DPP6: variants seen among roughly 807,000 people sequenced by gnomAD.
The protein encoded by DPP6 is dipeptidyl peptidase like 6.
In DPP6, 69 loss-of-function variants were observed where a neutral mutation model predicts 122.6. The ratio of observed to expected loss-of-function variants is 0.56; its 90% CI spans 0.46 to 0.69. DPP6 has a LOEUF of 0.69. DPP6 is among the 30% of genes least tolerant of loss of function. DPP6 has a pLI of 0.00. For synonymous variants in DPP6, 418 were observed against 433.1 expected, an observed-to-expected ratio of 0.97 and a Z score of 0.43; for missense variants, 928 against 1,116.9, an observed-to-expected ratio of 0.83 and a Z score of 2.41.
At chr7:154,273,205 C>T (rs1031577612) in intron 1 of DPP6, among the ~76,000 whole-genome samples, 3 of 152,134 alleles carry the variant, frequency 2.0e-5, no homozygotes, top group African/African-American at 7.2e-5. Context: ...AGAGAGCTGC[C>T]TCTTTGTCTC....
chr7:154,522,708 T>C (rs375432360), intron 3 of DPP6, among the ~76,000 whole-genome samples: 1 of 146,762 alleles, frequency 6.8e-6, no homozygotes, highest in East Asian at 2.0e-4. Flanking sequence ...GAAAAAAAAA[T>C]TGGAACTCTG....
chr7:154,155,441 T>C (rs1796629791), intron 1 of DPP6, among the ~76,000 whole-genome samples: 2 of 152,088 alleles, frequency 1.3e-5, no homozygotes, highest in African/African-American at 2.4e-5. Context: ...GCTGCATCTG[T>C]TAAATTAGGG....
At chr7:154,184,116 C>T (rs1006550504) in intron 1 of DPP6, among the ~76,000 whole-genome samples, 1 of 151,956 alleles carries the variant, frequency 6.6e-6, no homozygotes, top group African/African-American at 2.4e-5. Context: ...ACGGGCAGGA[C>T]CAACCAAGAA....
intron 5 of DPP6, among the ~76,000 whole-genome samples, chr7:154,629,218 A>G (rs992669307): frequency 3.9e-4 from 59 of 152,200 alleles, no homozygotes; most frequent in Non-Finnish European, 7.8e-4. Flanking sequence ...TAATGATGGA[A>G]CACTTCAAAA....
the DPP6 span, among the ~76,000 whole-genome samples, chr7:153,856,111 A>G: frequency 6.6e-6 from 1 of 152,154 alleles, no homozygotes; most frequent in Non-Finnish European, 1.5e-5. Context: ...TCAGATCATG[A>G]CAATTCTCTG....
At chr7:154,832,330 G>A (rs1800694620) in intron 16 of DPP6, among the ~76,000 whole-genome samples, 1 of 152,178 alleles carries the variant, frequency 6.6e-6, no homozygotes, top group African/African-American at 2.4e-5. Flanking sequence ...CCACATCCAT[G>A]TGCCAGGGAC....
intron 1 of DPP6, among the ~76,000 whole-genome samples, chr7:154,087,057 A>G (rs1247420632): frequency 6.6e-6 from 1 of 152,040 alleles, no homozygotes; most frequent in Non-Finnish European, 1.5e-5. Context: ...GTGATGTTAC[A>G]TATTTTTTTC....
chr7:154,501,506 T>A (rs970191343), intron 3 of DPP6, among the ~76,000 whole-genome samples: 1 of 152,174 alleles, frequency 6.6e-6, no homozygotes, highest in African/African-American at 2.4e-5. Context: ...TGACTCCAGC[T>A]GTGGCTGAAA....
intron 1 of DPP6, chr7:154,057,373 C>T (rs183550233): frequency 4.7e-5 from 10 of 214,284 alleles, no homozygotes; most frequent in Non-Finnish European, 6.3e-5. Context: ...TGAGAGCCAG[C>T]CCCTCTTCCC....
rs1264662158 is a variant in DPP6 at position 154,282,990 on chromosome 7, CAG to C, written c.244-163223_244-163222del. 6.6e-6 allele frequency among the ~76,000 whole-genome samples: 1 copy of C among 152,190 alleles called. No homozygotes were observed. Among genetic ancestry groups the C allele is most frequent in the African/African-American group, 2.4e-5 (1 of 41,446 alleles). On this transcript the variant is annotated intron_variant, in intron 1 of 25. Coordinates refer to ENST00000377770, the MANE Select transcript of DPP6 (RefSeq NM_130797.4). This position sits in a 1 kb window ranked among gnomAD's most constrained non-coding sequence, Gnocchi z 4.8. ...ATCAGAACACGTCTCTCTCTGGACT[CAG>C]GGACAATACCCATACATATCTGTGG...
At chr7:154,709,342 G>C (rs1182987130) in intron 7 of DPP6, among the ~76,000 whole-genome samples, 1 of 149,792 alleles carries the variant, frequency 6.7e-6, no homozygotes, top group Non-Finnish European at 1.5e-5. Flanking sequence ...ATGACACTCA[G>C]CTAATTTTTT....
chr7:154,146,683 A>G (rs1796100980), intron 1 of DPP6, among the ~76,000 whole-genome samples: 1 of 152,286 alleles, frequency 6.6e-6, no homozygotes, highest in African/African-American at 2.4e-5. Flanking sequence ...GGCCTGCATT[A>G]TTCATATAAA....
intron 1 of DPP6, among the ~76,000 whole-genome samples, chr7:153,908,588 G>A (rs1179698803): frequency 6.6e-6 from 1 of 151,990 alleles, no homozygotes; most frequent in Non-Finnish European, 1.5e-5. Context: ...TGAAAATGTG[G>A]CATTTATTTT....
At chr7:154,443,381 C>T (rs1191203094) in intron 1 of DPP6, among the ~76,000 whole-genome samples, 5 of 152,144 alleles carry the variant, frequency 3.3e-5, no homozygotes, top group Non-Finnish European at 7.3e-5. Context: ...AGCCATTCAA[C>T]TTCTGTTGAT....
chr7:154,488,172 G>A (rs982283470), intron 3 of DPP6, among the ~76,000 whole-genome samples: 3 of 152,108 alleles, frequency 2.0e-5, no homozygotes, highest in African/African-American at 4.8e-5. Context: ...GTAACTCTTC[G>A]TGTTTTAAGA....
intron 12 of DPP6, among the ~76,000 whole-genome samples, chr7:154,799,935 C>G (rs1798256402): frequency 6.6e-6 from 1 of 152,204 alleles, no homozygotes; most frequent in African/African-American, 2.4e-5. Flanking sequence ...GTTTCCCTGA[C>G]AAGGTAGAGA....
chr7:154,127,597 T>TCACACACACACACA lies in DPP6; in HGVS notation c.243+74557_243+74570dup, dbSNP rs71182879. ...AGTTGGGGTAAACAGGAGCAGCATC[T>TCACACACACACACA]CACACACACACACACACACACACAC... is the stretch of plus-strand genomic sequence containing the variant. On this transcript the variant is annotated intron_variant, in intron 1 of 25. Transcript: ENST00000377770. Among the ~76,000 whole-genome samples, 99 of 136,756 alleles carry TCACACACACACACA rather than the reference T, an allele frequency of 7.2e-4. 1 individual carries two copies. Among genetic ancestry groups the TCACACACACACACA allele is most frequent in the African/African-American group, 2.9e-3 (93 of 32,554 alleles). The allele number at this position is 136,756 out of a possible 152,430, so 89.7% of individuals were successfully genotyped here.
At chr7:153,967,472 C>G (rs960842887) in intron 1 of DPP6, among the ~76,000 whole-genome samples, 1 of 152,156 alleles carries the variant, frequency 6.6e-6, no homozygotes. Flanking sequence ...ACAACAACTC[C>G]GTAGAATTAC....
At chr7:154,258,068 T>A (rs73489328) in intron 1 of DPP6, among the ~76,000 whole-genome samples, 4 of 151,010 alleles carry the variant, frequency 2.6e-5, no homozygotes, top group African/African-American at 9.8e-5. Context: ...AAATTACATA[T>A]ATTGTGGGGC....
Sources: gnomAD v4.1 joint callset for allele counts (sites outside exome capture counted in the v4.1 genomes callset) on GRCh38, gnomAD v4.1.1 for gene constraint, Gnocchi (gnomAD v3.1) non-coding constraint, MANE v1.5 for transcripts, NCBI Gene and HGNC (gene_info 2026-07-23, HGNC 2026-07-21) for gene names.